TBC1D31: variants seen among roughly 807,000 people sequenced by gnomAD.
TBC1D31 encodes the protein TBC1 domain family member 31, also known as WD repeat domain 67.
A neutral mutation model predicts 132.9 loss-of-function variants in TBC1D31; 99 were observed. The observed-to-expected ratio is 0.74, with a 90% CI of 0.63 to 0.88. The LOEUF (loss-of-function observed/expected upper bound fraction) is 0.88. Ranked by LOEUF, TBC1D31 falls within the 40% of genes least tolerant of loss-of-function variation. The probability of loss-of-function intolerance (pLI) is 0.00; values close to 1 mark genes in which losing one functional copy is unlikely to be tolerated. For missense variants in TBC1D31, 1,134 were observed against 1,256.6 expected (o/e 0.90, Z 1.48); for synonymous variants, 385 against 419.4 (o/e 0.92, Z 1.00).
chr8:123,120,546 C>T lies in TBC1D31; in HGVS notation c.1570+358C>T, dbSNP rs1819375849. Among the ~76,000 whole-genome samples the T allele has an allele frequency of 3.3e-5, 5 of 152,174 alleles. No homozygotes were observed. In the South Asian group the frequency reaches 1.0e-3, roughly 32 times the overall value. ...AATTAGCCGGGTGTGGTGGTGCATG[C>T]CTATAATCCCAGCTACTCAGGAGGC... On this transcript the variant is annotated intron_variant, in intron 11 of 21. Transcript: ENST00000287380.
At chr8:123,094,907 A>T (rs890988046) in intron 5 of TBC1D31, among the ~76,000 whole-genome samples, 1 of 152,252 alleles carries the variant, frequency 6.6e-6, no homozygotes, top group Non-Finnish European at 1.5e-5. Context: ...TTATTGTTCA[A>T]ACATCCTTGA....
In TBC1D31 at chr8:123,136,968, C is replaced by T. The variant is rs183047041; in HGVS notation, c.2499+2762C>T. ...TTTTCAAATTGGCTGTAGTGATTGCCACTTTACCTGCCCAATTTATCTCTT... is the reference window on the plus strand; with the variant it reads ...TTTTCAAATTGGCTGTAGTGATTGCTACTTTACCTGCCCAATTTATCTCTT... On this transcript the variant is annotated intron_variant, in intron 17 of 21. Transcript: ENST00000287380. 2.3e-3 allele frequency among the ~76,000 whole-genome samples: 345 copies of T among 152,250 alleles called. 1 individual carries two copies. The highest frequency in any genetic ancestry group is 0.01 in the Middle Eastern group (3 of 294).
chr8:123,140,717 C>T (rs898169598), intron 17 of TBC1D31, 44 bp from the exon 18 acceptor site: 5 of 1,492,504 alleles, frequency 3.4e-6, no homozygotes, highest in South Asian at 2.4e-5. Flanking sequence ...TGTATTCTAG[C>T]GTTATATAAA....
At chr8:123,123,845 G>A (rs1801492132) in intron 11 of TBC1D31, among the ~76,000 whole-genome samples, 1 of 152,120 alleles carries the variant, frequency 6.6e-6, no homozygotes, top group African/African-American at 2.4e-5. Flanking sequence ...CCTATCGAAT[G>A]TCTTTGGATA....
intron 10 of TBC1D31, among the ~76,000 whole-genome samples, chr8:123,117,258 T>TG (rs1341335451): frequency 6.6e-6 from 1 of 151,444 alleles, no homozygotes; most frequent in Admixed American, 6.6e-5. Flanking sequence ...GAGGCTGCAA[T>TG]GAGCCCAGAT....
intron 17 of TBC1D31, among the ~76,000 whole-genome samples, chr8:123,135,113 T>C: frequency 6.6e-6 from 1 of 152,184 alleles, no homozygotes. Context: ...TTGCCCAGGC[T>C]GGTCCCAAAC....
intron 4 of TBC1D31, among the ~76,000 whole-genome samples, chr8:123,087,867 G>A (rs1471173075): frequency 7.9e-5 from 12 of 152,180 alleles, no homozygotes; most frequent in African/African-American, 1.9e-4. Flanking sequence ...TGTGATGTGT[G>A]CATATAGTAA....
intron 21 of TBC1D31, among the ~76,000 whole-genome samples, chr8:123,151,315 C>G (rs1254128106): frequency 6.6e-6 from 1 of 152,158 alleles, no homozygotes; most frequent in African/African-American, 2.4e-5. Context: ...AAATCAGTAA[C>G]GCTCTTACAC....
chr8:123,104,182 T>C (rs1817706434), intron 7 of TBC1D31: 1 of 152,330 alleles, frequency 6.6e-6, no homozygotes, highest in East Asian at 1.9e-4. Context: ...TTAATTTTAA[T>C]AAAATTTTAG....
At chr8:123,088,290 A>T (rs1259261076) in intron 4 of TBC1D31, among the ~76,000 whole-genome samples, 9 of 152,190 alleles carry the variant, frequency 5.9e-5, no homozygotes, top group Admixed American at 5.9e-4. Flanking sequence ...GCAGTTCAAG[A>T]GCAAAATTAT....
At chr8:123,134,783 C>T (rs577326520) in intron 17 of TBC1D31, among the ~76,000 whole-genome samples, 1 of 152,198 alleles carries the variant, frequency 6.6e-6, no homozygotes, top group Non-Finnish European at 1.5e-5. Flanking sequence ...TTTTTACCAA[C>T]TTACTAAATT....
At chr8:123,124,074 A>G (rs1005267773) in intron 11 of TBC1D31, among the ~76,000 whole-genome samples, 1 of 150,972 alleles carries the variant, frequency 6.6e-6, no homozygotes, top group South Asian at 2.1e-4. Context: ...ATTGAAAAAA[A>G]AAAAAAAAAG....
At chr8:123,130,070 C>T (rs1820460488) in intron 15 of TBC1D31, 128 bp from the exon 16 acceptor site, 11 of 953,146 alleles carry the variant, frequency 1.2e-5, no homozygotes, top group Non-Finnish European at 9.0e-6. Context: ...GAGCAGTTCT[C>T]GCATTCTTCT....
chr8:123,159,268 G>GGAAAAAAA, the TBC1D31 span, among the ~76,000 whole-genome samples: 7 of 93,894 alleles, frequency 7.5e-5, no homozygotes, highest in South Asian at 3.5e-4. Context: ...ATTTGAACAG[G>GGAAAAAAA]AAAAAAAAAA....
chr8:123,083,101 C>A (rs777686980), intron 3 of TBC1D31: 87 of 248,904 alleles, frequency 3.5e-4, no homozygotes, highest in Non-Finnish European at 5.9e-4. Context: ...CAAAAGGATA[C>A]AAAGTATAAC....
Position 123,077,128 on chromosome 8 carries a change from T to C in TBC1D31, c.95T>C (p.Ile32Thr). 1 of 1,610,170 alleles carries C rather than the reference T, an allele frequency of 6.2e-7. No individual in the cohort carries two copies. The highest frequency in any genetic ancestry group is 1.1e-5 in the South Asian group (1 of 90,154). ...TTTGACAGAATTATAGTGAACATTA[T>C]TCACAACACTTCCGATTACCATCCA... is the stretch of plus-strand genomic sequence containing the variant. The part of the protein sequence containing the change: ...ATRDGIIVNI[I>T]HNTSDYHPKV... The change falls in exon 2 of 22, where the codon ATT becomes ACT. Residue 32 changes from isoleucine (I) to threonine (T), a missense_variant. Ile to Thr is a moderately conservative substitution (Grantham distance 89). Transcript: ENST00000287380.
chr8:123,074,637 T>G (rs1304525283), intron 1 of TBC1D31, among the ~76,000 whole-genome samples: 1 of 152,246 alleles, frequency 6.6e-6, no homozygotes, highest in African/African-American at 2.4e-5. Flanking sequence ...AGAAATGGGT[T>G]GATTATCCAA....
chr8:123,110,048 C>A (rs541159893), intron 10 of TBC1D31, among the ~76,000 whole-genome samples: 1 of 152,224 alleles, frequency 6.6e-6, no homozygotes, highest in African/African-American at 2.4e-5. Context: ...GAGCTGAGAT[C>A]ACGCCATTTT....
At chr8:123,124,773 C>CAA (rs71310659) in intron 11 of TBC1D31, among the ~76,000 whole-genome samples, 9,722 of 131,452 alleles carry the variant, frequency 0.074, 388 homozygotes, top group Non-Finnish European at 0.099. Context: ...ACTGAAAATA[C>CAA]AAAAAAAAAA....
Sources: allele counts gnomAD v4.1 joint callset (sites outside exome capture counted in the v4.1 genomes callset), GRCh38; gene constraint gnomAD v4.1.1; transcripts MANE v1.5; gene names NCBI Gene and HGNC (gene_info 2026-07-23, HGNC 2026-07-21).